Variants in CAMK2G observed in about 807,000 individuals in gnomAD.
CAMK2G encodes the protein calcium/calmodulin dependent protein kinase II gamma, also known as calcium/calmodulin-dependent protein kinase type II subunit gamma.
Under a neutral mutation model 88.7 loss-of-function variants are expected in CAMK2G, and 23 were observed. The ratio of observed to expected loss-of-function variants is 0.26; its 90% CI spans 0.19 to 0.37. The LOEUF is 0.37. Among genes scored for constraint, CAMK2G ranks in the 10% least tolerant of loss-of-function variants. The pLI is 1.00. For missense variants in CAMK2G, 476 were observed against 780.8 expected (o/e 0.61, Z 4.65); for synonymous variants, 263 against 294.8 (o/e 0.89, Z 1.11).
At chr10:73,867,740 T>C (rs1019032838) in intron 2 of CAMK2G, among the ~76,000 whole-genome samples, 1 of 152,058 alleles carries the variant, frequency 6.6e-6, no homozygotes, top group Non-Finnish European at 1.5e-5. Context: ...GGCTTGGAGC[T>C]TGGGGCCTAG....
chr10:73,817,653 A>T, intron 19 of CAMK2G, 99 bp from the exon 20 acceptor site: 1 of 786,774 alleles, frequency 1.3e-6, no homozygotes, highest in Admixed American at 1.9e-5. Context: ...ATCGCTTATG[A>T]CAAAGACATC....
chr10:73,872,634 T>C (rs545447039), intron 2 of CAMK2G, among the ~76,000 whole-genome samples: 2 of 152,280 alleles, frequency 1.3e-5, no homozygotes, highest in Non-Finnish European at 2.9e-5. Context: ...AGGCCTGCAG[T>C]AGCCACCACT....
At position 73,828,108 on chromosome 10, in the gene CAMK2G, C is replaced by A; in HGVS notation, c.1067G>T (p.Ser356Ile). ...SDGGVKKRKS[S>I]SSVHLMPQSN... ...GCTCACCATTAGGTGCACGCTGGAA[C>A]TCGACTTCCTTTTCTGGACACACCA... is the stretch of plus-strand genomic sequence containing the variant. The change falls in exon 15 of 23, where the codon AGT becomes ATT. Residue 356 changes from serine to isoleucine, a missense_variant. Coordinates refer to ENST00000423381, the MANE Select transcript of CAMK2G (RefSeq NM_001367534.1). 1 of 1,613,678 alleles carries A rather than the reference C, an allele frequency of 6.2e-7. No homozygotes were observed. Among genetic ancestry groups the A allele is most frequent in the Non-Finnish European group, 8.5e-7 (1 of 1,179,574 alleles).
chr10:73,816,081 G>A, intron 21 of CAMK2G: 1 of 985,486 alleles, frequency 1.0e-6, no homozygotes, highest in Non-Finnish European at 1.2e-6. Flanking sequence ...TATAACTCAG[G>A]GCAGGATAGG....
At chr10:73,860,611 C>T (rs146155492) in intron 3 of CAMK2G, among the ~76,000 whole-genome samples, 21 of 152,318 alleles carry the variant, frequency 1.4e-4, no homozygotes, top group African/African-American at 4.8e-4. Context: ...TGATGCCTCA[C>T]ACCCCAGCCC....
intron 14 of CAMK2G, among the ~76,000 whole-genome samples, chr10:73,836,863 C>A (rs905401769): frequency 3.9e-5 from 6 of 152,182 alleles, no homozygotes; most frequent in Admixed American, 3.9e-4. Context: ...GTCCCAGGTC[C>A]CTCCTCTTGC....
chr10:73,829,700 G>GGGGTGTGTGTGTGTGT (rs1265867895), intron 14 of CAMK2G, among the ~76,000 whole-genome samples: 2 of 138,370 alleles, frequency 1.4e-5, no homozygotes, highest in African/African-American at 5.4e-5. Flanking sequence ...TAAGTAGTGG[G>GGGGTGTGTGTGTGTGT]GTGTGTGTGT....
At chr10:73,873,283 G>T in intron 1 of CAMK2G, 200 bp from the exon 2 acceptor site, 1 of 1,211,166 alleles carries the variant, frequency 8.3e-7, no homozygotes, top group Non-Finnish European at 1.1e-6. Flanking sequence ...GAACAGATGT[G>T]GGTGGCGTGC....
At chr10:73,841,567 C>T (rs535624132) in intron 12 of CAMK2G, among the ~76,000 whole-genome samples, 5 of 152,298 alleles carry the variant, frequency 3.3e-5, no homozygotes, top group East Asian at 3.9e-4. Context: ...TTATTGGTCC[C>T]ACCTCTCCCA....
intron 2 of CAMK2G, among the ~76,000 whole-genome samples, chr10:73,866,280 T>C (rs2095589062): frequency 6.6e-6 from 1 of 151,520 alleles, no homozygotes; most frequent in African/African-American, 2.4e-5. Flanking sequence ...GATAGGGAGG[T>C]GATAGCTTGC....
intron 5 of CAMK2G, among the ~76,000 whole-genome samples, chr10:73,851,494 G>A (rs2094610757): frequency 1.3e-5 from 2 of 152,102 alleles, no homozygotes; most frequent in Non-Finnish European, 2.9e-5. Flanking sequence ...GGGGCTCTAT[G>A]GTTGGATTAT....
At chr10:73,828,212 G>T in intron 14 of CAMK2G, 91 bp from the exon 15 acceptor site, 1 of 1,060,100 alleles carries the variant, frequency 9.4e-7, no homozygotes, top group Non-Finnish European at 1.5e-6. Context: ...CACCAGTGTG[G>T]GCTCTGCATC....
Position 73,860,827 on chromosome 10 carries a change from C to G in CAMK2G, c.220+3G>C, listed in dbSNP as rs1353734925. ...ACAAAATGCTCCATGCCCAGGCACT[C>G]ACCGATGTTTGGATGTTTCAGAAGT... On this transcript the variant is annotated splice_donor_region_variant and intron_variant, in intron 3 of 22. Transcript: ENST00000423381. The G allele has an allele frequency of 6.2e-7, 1 of 1,610,314 alleles. No homozygotes were observed. The highest frequency in any genetic ancestry group is 1.7e-5 in the Admixed American group (1 of 60,012).
chr10:73,841,024 G>A (rs2093736158), intron 12 of CAMK2G, among the ~76,000 whole-genome samples: 1 of 152,144 alleles, frequency 6.6e-6, no homozygotes, highest in Non-Finnish European at 1.5e-5. Flanking sequence ...CCCAAACCAG[G>A]GTCAAAGGAG....
In CAMK2G at chr10:73,820,492, ATT is replaced by A. The variant is rs1166533591; in HGVS notation, c.1250-849_1250-848del. On this transcript the variant is annotated intron_variant, in intron 18 of 22. Coordinates refer to ENST00000423381, the MANE Select transcript of CAMK2G (RefSeq NM_001367534.1). ...TATATATATATATATATATATATAT[ATT>A]TTTTTTTTTTTTTTTTTCTTGAGAC... Among the ~76,000 whole-genome samples, 44 of 51,038 alleles carry A rather than the reference ATT, an allele frequency of 8.6e-4. No homozygotes were observed. In the South Asian group the frequency reaches 0.018, roughly 21 times the overall value. 33.5% of individuals were successfully genotyped at this position (51,038 alleles called of 152,430 possible).
chr10:73,852,727 C>A (rs1206066945), intron 4 of CAMK2G: 1 of 237,982 alleles, frequency 4.2e-6, no homozygotes, highest in African/African-American at 2.3e-5. Context: ...GAGACCCAAC[C>A]CTGAGAATCC....
intron 10 of CAMK2G, among the ~76,000 whole-genome samples, chr10:73,845,904 CTTTTTT>C (rs775000753): frequency 3.7e-5 from 5 of 135,884 alleles, no homozygotes; most frequent in Admixed American, 3.0e-4. Context: ...CAATTCCCTT[CTTTTTT>C]TTTTTTTTTT....
intron 14 of CAMK2G, among the ~76,000 whole-genome samples, chr10:73,829,855 C>T (rs965581840): frequency 2.6e-5 from 4 of 152,044 alleles, no homozygotes; most frequent in South Asian, 2.1e-4. Context: ...ATACAGGCGA[C>T]GAAAGTTTGC....
rs550593940 is a variant in CAMK2G at position 73,851,756 on chromosome 10, G to GC, written c.341+497_341+498insG. 6.5e-4 allele frequency among the ~76,000 whole-genome samples: 97 copies of GC among 148,746 alleles called. 2 individuals are homozygous for GC. The South Asian group carries it at 0.012, about 19-fold the overall frequency. On this transcript the variant is annotated intron_variant, in intron 5 of 22. Coordinates refer to ENST00000423381, the MANE Select transcript of CAMK2G (RefSeq NM_001367534.1). ...TTGGAAGTGATTTTTTTTGTGGGGG[G>GC]GGGGAGGGGGACATAGTCTCGCTCT...
Sources: allele counts gnomAD v4.1 joint callset (sites outside exome capture counted in the v4.1 genomes callset), GRCh38; gene constraint gnomAD v4.1.1; transcripts MANE v1.5; gene names NCBI Gene and HGNC (gene_info 2026-07-23, HGNC 2026-07-21).